Variants in SCARA5 observed in about 807,000 individuals in gnomAD.
SCARA5 encodes scavenger receptor class A member 5, also known as scavenger receptor class A, member 5 (putative).
A neutral mutation model predicts 46.3 loss-of-function variants in SCARA5; 45 were observed. The observed-to-expected ratio is 0.97, with a 90% CI of 0.76 to 1.24. SCARA5 has a LOEUF of 1.24. Among genes scored for constraint, SCARA5 ranks in the 50% most tolerant of loss-of-function variants. The pLI is 0.00. For synonymous variants in SCARA5, 333 were observed against 306.5 expected (o/e 1.09, Z -0.90); for missense variants, 680 against 689.0 (o/e 0.99, Z 0.15).
At chr8:27,873,035 A>G (rs1308094589) in intron 8 of SCARA5, among the ~76,000 whole-genome samples, 1 of 152,218 alleles carries the variant, frequency 6.6e-6, no homozygotes, top group African/African-American at 2.4e-5. Flanking sequence ...ACCACCAGGC[A>G]GAGGCTAGAA....
intron 3 of SCARA5, among the ~76,000 whole-genome samples, chr8:27,956,087 G>A (rs145577166): frequency 1.4e-4 from 22 of 152,308 alleles, no homozygotes; most frequent in African/African-American, 4.8e-4. Flanking sequence ...GAATTCTGGC[G>A]AAGACAGAGA....
intron 1 of SCARA5, among the ~76,000 whole-genome samples, chr8:27,990,610 G>C (rs1808774173): frequency 1.3e-5 from 2 of 152,174 alleles, no homozygotes; most frequent in Non-Finnish European, 2.9e-5. Context: ...CAGGGCACTG[G>C]CTCAGCTGCA....
chr8:27,920,161 C>T (rs1000982652), intron 4 of SCARA5, among the ~76,000 whole-genome samples: 2 of 152,036 alleles, frequency 1.3e-5, no homozygotes, highest in East Asian at 1.9e-4. Flanking sequence ...GAGGCCCATA[C>T]ATTTTTGCAT....
At chr8:27,899,518 T>C (rs1467672789) in intron 7 of SCARA5, among the ~76,000 whole-genome samples, 1 of 152,202 alleles carries the variant, frequency 6.6e-6, no homozygotes, top group Admixed American at 6.5e-5. Flanking sequence ...AACGTGGCCT[T>C]TCCCGAGAGG....
intron 3 of SCARA5, among the ~76,000 whole-genome samples, chr8:27,941,809 T>C (rs1392981919): frequency 2.2e-5 from 3 of 136,878 alleles, no homozygotes; most frequent in African/African-American, 8.3e-5. Flanking sequence ...TCATTATTAT[T>C]ATTATTATTA....
intron 3 of SCARA5, among the ~76,000 whole-genome samples, chr8:27,935,231 G>A (rs75951492): frequency 0.028 from 4,316 of 152,178 alleles, 102 homozygotes; most frequent in East Asian, 0.052. Flanking sequence ...AGGCAGCCTC[G>A]GGAAACTAAA....
intron 7 of SCARA5, among the ~76,000 whole-genome samples, chr8:27,889,676 T>C (rs1806952207): frequency 6.6e-6 from 1 of 152,248 alleles, no homozygotes; most frequent in South Asian, 2.1e-4. Context: ...ACTTTAACCC[T>C]GGAACTGCAA....
At chr8:27,987,028 G>A (rs1244955361) in intron 2 of SCARA5, among the ~76,000 whole-genome samples, 1 of 152,192 alleles carries the variant, frequency 6.6e-6, no homozygotes, top group Non-Finnish European at 1.5e-5. Context: ...ACTGGCCTGG[G>A]GACCCCTTTC....
chr8:27,874,370 T>C (rs532317743), intron 8 of SCARA5, among the ~76,000 whole-genome samples: 1 of 152,364 alleles, frequency 6.6e-6, no homozygotes, highest in East Asian at 1.9e-4. Flanking sequence ...TGGCCTCTCA[T>C]GTTCGGCCAG....
intron 7 of SCARA5, among the ~76,000 whole-genome samples, chr8:27,893,426 A>G (rs1197836498): frequency 1.3e-5 from 2 of 152,186 alleles, no homozygotes; most frequent in African/African-American, 4.8e-5. Context: ...CTCTCAAAAC[A>G]AACATTTCTT....
At chr8:27,918,603 A>AG (rs375252201) in intron 4 of SCARA5, among the ~76,000 whole-genome samples, 24 of 149,748 alleles carry the variant, frequency 1.6e-4, no homozygotes, top group Middle Eastern at 3.4e-3. Flanking sequence ...GAGGAGGAGA[A>AG]GGAGGAGGAA....
intron 7 of SCARA5, among the ~76,000 whole-genome samples, chr8:27,894,210 G>C (rs1270122633): frequency 2.0e-5 from 3 of 152,224 alleles, no homozygotes; most frequent in Non-Finnish European, 4.4e-5. Context: ...TAACAGAAGA[G>C]AAAACAGGCT....
At chr8:27,958,288 A>T (rs1808237114) in intron 3 of SCARA5, among the ~76,000 whole-genome samples, 1 of 152,132 alleles carries the variant, frequency 6.6e-6, no homozygotes, top group Admixed American at 6.5e-5. Flanking sequence ...CTGGCTCTTG[A>T]TCCCTCCTCC....
At chr8:27,892,121 C>G (rs139904346) in intron 7 of SCARA5, among the ~76,000 whole-genome samples, 19 of 152,298 alleles carry the variant, frequency 1.2e-4, no homozygotes, top group African/African-American at 3.6e-4. Flanking sequence ...CTGGGGAATA[C>G]GGAGAGAGCT....
intron 3 of SCARA5, among the ~76,000 whole-genome samples, chr8:27,923,934 C>CA (rs1448334171): frequency 6.6e-6 from 1 of 152,228 alleles, no homozygotes; most frequent in Non-Finnish European, 1.5e-5. Context: ...AGTGATCCCC[C>CA]ACCCCTTCCT....
At chr8:27,966,087 C>T (rs1011380616) in intron 3 of SCARA5, among the ~76,000 whole-genome samples, 1 of 152,176 alleles carries the variant, frequency 6.6e-6, no homozygotes, top group African/African-American at 2.4e-5. Flanking sequence ...CAACGCCCAG[C>T]CTTCTCAGAG....
chr8:27,936,449 C>T lies in SCARA5; in HGVS notation c.242-14204G>A, dbSNP rs546060217. On this transcript the variant is annotated intron_variant, in intron 3 of 8. Transcript: ENST00000354914. ...ACTAAAAATACAAAAATTAGCCAGG[C>T]GTGGTGGCACATGCCTGTAATTCCA... Among the ~76,000 whole-genome samples the T allele has an allele frequency of 5.3e-5, 8 of 151,682 alleles. No individual in the cohort carries two copies. In the East Asian group the frequency reaches 1.2e-3, roughly 22 times the overall value.
chr8:27,871,939 G>A lies in SCARA5; in HGVS notation c.1483C>T (p.His495Tyr), dbSNP rs369713591. 8 of 1,614,062 alleles carry A rather than the reference G, an allele frequency of 5.0e-6. No homozygotes were observed. The highest frequency in any genetic ancestry group is 1.7e-4 in the Middle Eastern group (1 of 6,020). ...AEDASVTCNR[H>Y] ...AACTTGGGCTCTGCCCACTTTCAGT[G>A]TCTGTTGCATGTCACGCTGGCATCT... The change falls in exon 9 of 9, where the codon CAC becomes TAC. Residue 495 changes from histidine to tyrosine, a missense_variant. Coordinates refer to ENST00000354914, the MANE Select transcript of SCARA5 (RefSeq NM_173833.6).
At chr8:27,981,061 G>A (rs1166679326) in intron 2 of SCARA5, among the ~76,000 whole-genome samples, 1 of 152,146 alleles carries the variant, frequency 6.6e-6, no homozygotes, top group Non-Finnish European at 1.5e-5. Flanking sequence ...AGACCAGGGA[G>A]GGAAATAAAT....
Sources: gnomAD v4.1 joint callset for allele counts (sites outside exome capture counted in the v4.1 genomes callset) on GRCh38, gnomAD v4.1.1 for gene constraint, MANE v1.5 for transcripts, NCBI Gene and HGNC (gene_info 2026-07-23, HGNC 2026-07-21) for gene names.